Variants in DSC3 observed in about 807,000 individuals in gnomAD.
The protein encoded by DSC3 is desmocollin 3.
A neutral mutation model predicts 89.5 loss-of-function variants in DSC3; 97 were observed. That is an observed-to-expected ratio of 1.08 (90% confidence interval 0.92 to 1.28). DSC3 has a LOEUF of 1.28. DSC3 is among the 50% of genes most tolerant of loss of function. The pLI, the probability that DSC3 is intolerant of heterozygous loss-of-function variation, is 0.00. For synonymous variants in DSC3, 436 were observed against 384.1 expected, an observed-to-expected ratio of 1.14 and a Z score of -1.58; for missense variants, 1,199 against 1,085.3, an observed-to-expected ratio of 1.10 and a Z score of -1.47.
At chr18:31,007,933 C>T in intron 11 of DSC3, 83 bp downstream of exon 11, 3 of 1,279,690 alleles carry the variant, frequency 2.3e-6, no homozygotes, top group Non-Finnish European at 3.3e-6. Context: ...ATACACTTAC[C>T]ACCAAAATAA....
chr18:31,029,587 AC>A lies in DSC3; in HGVS notation c.395del (p.Arg132LeufsTer42). On this transcript the variant is annotated frameshift_variant, in exon 4 of 16. Transcript: ENST00000360428. LOFTEE classifies it high-confidence loss of function. ...GAATAGGTGCCCATCTCCTCTTGGC[AC>A]GCCTGAGAACAGTTTCTCTAGTGTG... Reference protein sequence around the residue: ...TRHTRETVLRRAKRRWAPIPC... With the variant: ...TRHTRETVLRXAKRRWAPIPC... 6.2e-7 allele frequency: 1 copy of A among 1,613,894 alleles called. No individual in the cohort carries two copies. The highest frequency in any genetic ancestry group is 8.5e-7 in the Non-Finnish European group (1 of 1,179,762).
rs775187201 is a variant in DSC3, at chr18:31,036,798, C to CTTTTTTTTTTT, written c.70-4533_70-4523dup. 5.4e-3 allele frequency among the ~76,000 whole-genome samples: 578 copies of CTTTTTTTTTTT among 107,374 alleles called. 44 individuals are homozygous for CTTTTTTTTTTT. Among genetic ancestry groups the CTTTTTTTTTTT allele is most frequent in the African/African-American group, 0.02 (555 of 28,108 alleles). 70.4% of individuals were successfully genotyped at this position (107,374 alleles called of 152,430 possible). On this transcript the variant is annotated intron_variant, in intron 1 of 15. Transcript: ENST00000360428. ...TATTTCCTTTTTGCTTTCTTTCTTC[C>CTTTTTTTTTTT]TTTTTTTTTTTTGAGATGGAATCTT...
chr18:31,006,496 C>T (rs375541030), intron 12 of DSC3, among the ~76,000 whole-genome samples: 1 of 152,012 alleles, frequency 6.6e-6, no homozygotes, highest in African/African-American at 2.4e-5. Context: ...GATGGGGTTT[C>T]ACCATGTTGG....
At chr18:31,009,410 T>G (rs573043120) in intron 9 of DSC3, among the ~76,000 whole-genome samples, 1 of 152,288 alleles carries the variant, frequency 6.6e-6, no homozygotes, top group Admixed American at 6.5e-5. Flanking sequence ...TAATTGCTGC[T>G]TTTCTTTTAT....
Position 31,019,306 on chromosome 18 carries a change from G to T in DSC3, c.943-506C>A, listed in dbSNP as rs533698064. Among the ~76,000 whole-genome samples the T allele has an allele frequency of 1.8e-4, 27 of 152,182 alleles. No homozygotes were observed. In the Middle Eastern group the frequency reaches 0.014, roughly 77 times the overall value. On this transcript the variant is annotated intron_variant, in intron 7 of 15. Coordinates refer to ENST00000360428, the MANE Select transcript of DSC3 (RefSeq NM_001941.5). Reference sequence around the variant, plus strand: ...GGGTTTCACCATGTTGGCCAGGCTGGTCTCAAACTCCCGATCTCGTGATTC... The same window carrying T: ...GGGTTTCACCATGTTGGCCAGGCTGTTCTCAAACTCCCGATCTCGTGATTC...
At chr18:31,012,643 A>C (rs1985108386) in intron 9 of DSC3, among the ~76,000 whole-genome samples, 1 of 152,246 alleles carries the variant, frequency 6.6e-6, no homozygotes, top group South Asian at 2.1e-4. Context: ...TGTTTTGGAA[A>C]GATAAATAAA....
intron 9 of DSC3, among the ~76,000 whole-genome samples, chr18:31,017,540 T>A (rs1985276010): frequency 6.6e-6 from 1 of 152,174 alleles, no homozygotes; most frequent in African/African-American, 2.4e-5. Context: ...TAAATTTCAT[T>A]GTGAATATCA....
At position 31,029,604 on chromosome 18, in the gene DSC3, C is replaced by A. The variant is rs1567960394; in HGVS notation, c.379G>T (p.Glu127Ter). ...KKVSKTRHTR[E>*]TVLRRAKRRW... ...CTCTTGGCACGCCTGAGAACAGTTT[C>A]TCTAGTGTGTCTTGTCTTCGATACC... is the stretch of plus-strand genomic sequence containing the variant. The change falls in exon 4 of 16, where the codon GAA becomes TAA. Residue 127 changes from glutamate (E) to a stop codon, truncating the protein, a stop_gained. Transcript: ENST00000360428. LOFTEE classifies it high-confidence loss of function. The A allele has an allele frequency of 6.2e-7, 1 of 1,613,820 alleles. No individual in the cohort carries two copies. Among genetic ancestry groups the A allele is most frequent in the Non-Finnish European group, 8.5e-7 (1 of 1,179,712 alleles).
chr18:31,000,826 G>C (rs963839784), intron 14 of DSC3, among the ~76,000 whole-genome samples: 2 of 151,688 alleles, frequency 1.3e-5, no homozygotes, highest in African/African-American at 4.8e-5. Context: ...GTACATTTAG[G>C]TATCATAGGT....
Position 31,039,845 on chromosome 18 carries a change from T to C in DSC3, c.69+2747A>G, listed in dbSNP as rs373744001. 7.2e-5 allele frequency among the ~76,000 whole-genome samples: 11 copies of C among 152,196 alleles called. No individual in the cohort carries two copies. The East Asian group carries it at 1.2e-3, about 16-fold the overall frequency. ...TTTTAATAAGGTAGCTGATAATGCA[T>C]CAATCTAAATATACGTATACTATAA... On this transcript the variant is annotated intron_variant, in intron 1 of 15. Coordinates refer to ENST00000360428, the MANE Select transcript of DSC3 (RefSeq NM_001941.5).
intron 15 of DSC3, among the ~76,000 whole-genome samples, chr18:30,995,971 T>TAAAAAAAAAA (rs1196444633): frequency 0.012 from 454 of 36,992 alleles, 25 homozygotes; most frequent in Non-Finnish European, 0.014. Context: ...GACCCTGCCT[T>TAAAAAAAAAA]AAAAAAAAAA....
chr18:30,995,913 A>G (rs1325521348), intron 15 of DSC3, among the ~76,000 whole-genome samples: 1 of 138,524 alleles, frequency 7.2e-6, no homozygotes, highest in Non-Finnish European at 1.5e-5. Flanking sequence ...TCAAGGCTGC[A>G]GTGAGTGGAG....
intron 14 of DSC3, among the ~76,000 whole-genome samples, chr18:30,998,745 G>C (rs1011881622): frequency 6.6e-6 from 1 of 152,110 alleles, no homozygotes; most frequent in Non-Finnish European, 1.5e-5. Context: ...GCCATGAAGA[G>C]AGAATATGGT....
At chr18:31,042,388 A>C (rs1986161824) in intron 1 of DSC3, among the ~76,000 whole-genome samples, 1 of 152,182 alleles carries the variant, frequency 6.6e-6, no homozygotes, top group Non-Finnish European at 1.5e-5. Context: ...CAAAACAAAA[A>C]GCTCAGTCCA....
In DSC3 at chr18:31,032,271, G is replaced by A; in HGVS notation, c.75C>T (p.Phe25=). The A allele has an allele frequency of 6.2e-7, 1 of 1,609,970 alleles. No homozygotes were observed. The highest frequency in any genetic ancestry group is 1.3e-5 in the African/African-American group (1 of 74,892). Reference sequence around the variant, plus strand: ...TTTTGCAGGCTTCACCAGCACGACTGAAGATCTAGAATTTAAAAGGTCACA... The same window carrying A: ...TTTTGCAGGCTTCACCAGCACGACTAAAGATCTAGAATTTAAAAGGTCACA... ...CLHLLLTLVI[F]SRAGEACKKV... The change falls in exon 2 of 16, where the codon TTC becomes TTT. Residue 25 remains phenylalanine, a synonymous_variant. Transcript: ENST00000360428.
intron 9 of DSC3, among the ~76,000 whole-genome samples, chr18:31,012,924 A>G (rs573340391): frequency 6.6e-6 from 1 of 152,268 alleles, no homozygotes; most frequent in South Asian, 2.1e-4. Flanking sequence ...TACTCTTTCT[A>G]TGAAATTAAT....
intron 14 of DSC3, among the ~76,000 whole-genome samples, chr18:31,000,894 C>T: frequency 6.6e-6 from 1 of 151,756 alleles, no homozygotes; most frequent in East Asian, 1.9e-4. Context: ...TCCTATTTTG[C>T]TTTTCCATAA....
chr18:30,989,774 A>G lies in DSC3; in HGVS notation c.*4401T>C, dbSNP rs767412990. Among the ~76,000 whole-genome samples the G allele has an allele frequency of 1.2e-4, 19 of 152,238 alleles. No individual in the cohort carries two copies. The highest frequency in any genetic ancestry group is 3.3e-4 in the Admixed American group (5 of 15,290). On this transcript the variant is annotated 3_prime_UTR_variant, in exon 16 of 16. Coordinates refer to ENST00000360428, the MANE Select transcript of DSC3 (RefSeq NM_001941.5). ...CCCATGAAACCAAGCCTAATTCTAA[A>G]TAATATAAGAGCCAAAATAAACTGT...
chr18:31,001,259 A>G (rs1984650199), intron 14 of DSC3, among the ~76,000 whole-genome samples: 1 of 151,678 alleles, frequency 6.6e-6, no homozygotes, highest in South Asian at 2.1e-4. Context: ...GAGAACTTTT[A>G]GCAAGCTTTT....
Sources: allele counts gnomAD v4.1 joint callset (sites outside exome capture counted in the v4.1 genomes callset), GRCh38; gene constraint gnomAD v4.1.1; transcripts MANE v1.5; gene names NCBI Gene and HGNC (gene_info 2026-07-23, HGNC 2026-07-21).